Variants in ZNF800 observed in about 807,000 individuals in gnomAD.
ZNF800 encodes the protein zinc finger protein 800.
A neutral mutation model predicts 59.5 loss-of-function variants in ZNF800; 13 were observed. The ratio of observed to expected loss-of-function variants is 0.22; its 90% CI spans 0.14 to 0.35. The LOEUF is 0.35. ZNF800 is among the 10% of genes least tolerant of loss of function. The pLI is 1.00. For missense variants in ZNF800, 621 were observed against 783.7 expected (o/e 0.79, Z 2.48); for synonymous variants, 266 against 265.7 (o/e 1.00, Z -0.01).
downstream of ZNF800, among the ~76,000 whole-genome samples, chr7:127,369,212 G>C (rs530786286): frequency 6.6e-6 from 1 of 152,230 alleles, no homozygotes; most frequent in African/African-American, 2.4e-5. Context: ...GCATCTTTAG[G>C]AAGGAAGGTA....
chr7:127,346,045 C>A (rs1587416319), downstream of ZNF800, among the ~76,000 whole-genome samples: 2 of 152,186 alleles, frequency 1.3e-5, no homozygotes, highest in East Asian at 3.9e-4. Flanking sequence ...GGAAGAAGTC[C>A]TTGAAAAGGC....
At chr7:127,376,130 A>G (rs781061649) in intron 4 of ZNF800, among the ~76,000 whole-genome samples, 5 of 151,942 alleles carry the variant, frequency 3.3e-5, no homozygotes, top group Admixed American at 6.6e-5. Flanking sequence ...TCTCAATGAG[A>G]GAATAGTAAG....
intron 3 of ZNF800, among the ~76,000 whole-genome samples, chr7:127,378,167 T>C (rs994299094): frequency 3.3e-5 from 5 of 152,030 alleles, no homozygotes; most frequent in Non-Finnish European, 5.9e-5. Context: ...CTTACAATGC[T>C]CAAAAACAAT....
intron 3 of ZNF800, among the ~76,000 whole-genome samples, chr7:127,382,268 C>T (rs563455343): frequency 6.6e-6 from 1 of 152,162 alleles, no homozygotes; most frequent in Admixed American, 6.5e-5. Context: ...ACCATAGGGG[C>T]ATTCCATAGT....
chr7:127,370,509 A>G lies in ZNF800; in HGVS notation c.*1305T>C, dbSNP rs1459584927. 2.6e-5 allele frequency: 4 copies of G among 152,568 alleles called. No homozygotes were observed. Among genetic ancestry groups the G allele is most frequent in the Non-Finnish European group, 4.4e-5 (3 of 67,976 alleles). The allele number at this position is 152,568 out of a possible 1,614,324, so 9.5% of individuals were successfully genotyped here. A position where few individuals can be genotyped will look rare whatever the true frequency, so the allele number is the denominator to read the frequency against. On this transcript the variant is annotated 3_prime_UTR_variant, in exon 6 of 6. Coordinates refer to ENST00000265827, the MANE Select transcript of ZNF800 (RefSeq NM_176814.5). Reference sequence around the variant, plus strand: ...TTAGTGCAAAGCACTGGGAAGGTAAATGTTTTTCTAGCTATAGAATCATTT... The same window carrying G: ...TTAGTGCAAAGCACTGGGAAGGTAAGTGTTTTTCTAGCTATAGAATCATTT...
chr7:127,354,456 T>C (rs1800230035), intron 1 of ZNF800, among the ~76,000 whole-genome samples: 1 of 151,478 alleles, frequency 6.6e-6, no homozygotes, highest in Non-Finnish European at 1.5e-5. Context: ...TCCCGGGCTC[T>C]ACAATTTTCA....
chr7:127,347,782 C>G (rs1463226028), exon 2 of ZNF800: 3 of 152,050 alleles, frequency 2.0e-5, no homozygotes, highest in Admixed American at 2.0e-4. Context: ...CCCGTGGAGA[C>G]GGCCGCGGCG....
At chr7:127,358,791 T>C (rs1800332577) in intron 1 of ZNF800, among the ~76,000 whole-genome samples, 1 of 152,138 alleles carries the variant, frequency 6.6e-6, no homozygotes, top group Non-Finnish European at 1.5e-5. Flanking sequence ...GCATTGCTTG[T>C]CTCTGTACCT....
At chr7:127,345,172 A>G (rs779240775), downstream of ZNF800, among the ~76,000 whole-genome samples, 18 of 152,204 alleles carry the variant, frequency 1.2e-4, no homozygotes, top group Non-Finnish European at 1.3e-4. Flanking sequence ...CATTCCTTCA[A>G]CAGATATTTC....
chr7:127,366,012 T>C (rs1368365370), downstream of ZNF800, among the ~76,000 whole-genome samples: 1 of 152,124 alleles, frequency 6.6e-6, no homozygotes, highest in East Asian at 1.9e-4. Flanking sequence ...ATTCCCACAA[T>C]AAACCTACCT....
At chr7:127,359,646 C>G (rs930864512) in intron 1 of ZNF800, 2 of 152,070 alleles carry the variant, frequency 1.3e-5, no homozygotes, top group Non-Finnish European at 2.9e-5. Context: ...AGTCTCTGAA[C>G]AGATGACTTA....
At chr7:127,363,573 T>C (rs1242532388) in intron 1 of ZNF800, 1 of 151,534 alleles carries the variant, frequency 6.6e-6, no homozygotes, top group African/African-American at 2.4e-5. Flanking sequence ...AAATAGATTA[T>C]TTCCAGAGAG....
Position 127,392,219 on chromosome 7 carries a change from G to A in ZNF800, c.-218C>T, listed in dbSNP as rs1423896788. On this transcript the variant is annotated 5_prime_UTR_variant, in exon 1 of 6. Transcript: ENST00000265827. The stretch of plus-strand genomic sequence containing the variant: ...GACTCGGGCCCGACGCGCTCCCAAA[G>A]AGTCCCCGCCGGCGCTGACGCGGAA... 2.5e-6 allele frequency: 1 copy of A among 394,694 alleles called. No homozygotes were observed. Among genetic ancestry groups the A allele is most frequent in the Non-Finnish European group, 4.5e-6 (1 of 223,410 alleles). The allele number at this position is 394,694 out of a possible 1,614,324, so 24.4% of individuals were successfully genotyped here. A position where few individuals can be genotyped will look rare whatever the true frequency, so the allele number is the denominator to read the frequency against.
chr7:127,391,431 G>T, intron 2 of ZNF800, 66 bp downstream of exon 2: 1 of 1,516,368 alleles, frequency 6.6e-7, no homozygotes, highest in Non-Finnish European at 9.2e-7. Flanking sequence ...AAAAAAGCTA[G>T]AAAAAAAGAG....
downstream of ZNF800, among the ~76,000 whole-genome samples, chr7:127,367,943 C>G (rs1019426672): frequency 7.9e-5 from 12 of 151,976 alleles, no homozygotes; most frequent in African/African-American, 2.9e-4. Context: ...TATGCTAGGT[C>G]CCTTTTTGTT....
chr7:127,348,015 C>G (rs1375978170), exon 2 of ZNF800: 2 of 150,738 alleles, frequency 1.3e-5, no homozygotes, highest in Admixed American at 6.6e-5. Context: ...CGCAGGGCGG[C>G]GGCGCTGCGG....
chr7:127,391,499 G>A lies in ZNF800; in HGVS notation c.59C>T (p.Pro20Leu). 6.2e-7 allele frequency: 1 copy of A among 1,614,120 alleles called. No individual in the cohort carries two copies. Among genetic ancestry groups the A allele is most frequent in the Non-Finnish European group, 8.5e-7 (1 of 1,180,006 alleles). Residue 20 changes from proline (P) to leucine (L), a missense_variant and splice_region_variant, in exon 2 of 6, where the codon CCA becomes CTA. By Grantham distance (98) the Pro-to-Leu change is moderately conservative (BLOSUM62 -3). Around this residue, in one of 7 missense-constraint regions of ZNF800, gnomAD observed 57 missense variants for 77.1 expected, o/e 0.74. Coordinates refer to ENST00000265827, the MANE Select transcript of ZNF800 (RefSeq NM_176814.5). Reference sequence around the variant, plus strand: ...ACTGCGGACGAAGAGGGGTCTACCTGGTTCACAGCATCCGTGATGATGGTG... The same window carrying A: ...ACTGCGGACGAAGAGGGGTCTACCTAGTTCACAGCATCCGTGATGATGGTG... ...TDHHHHGCCE[P>L]VYILEPGDPP... is the part of the protein sequence containing the mutation.
At chr7:127,391,278 T>G (rs1044062440) in intron 2 of ZNF800, among the ~76,000 whole-genome samples, 2 of 152,102 alleles carry the variant, frequency 1.3e-5, no homozygotes, top group African/African-American at 4.8e-5. Flanking sequence ...CTTGTGGAAA[T>G]GATTTAAGGT....
chr7:127,358,614 G>C (rs573926822), intron 1 of ZNF800, among the ~76,000 whole-genome samples: 33 of 152,158 alleles, frequency 2.2e-4, no homozygotes, highest in African/African-American at 7.9e-4. Flanking sequence ...ATCTACATGT[G>C]ATTTCATGTC....
Sources: allele counts gnomAD v4.1 joint callset (sites outside exome capture counted in the v4.1 genomes callset), GRCh38; gene constraint gnomAD v4.1.1; regional missense constraint gnomAD v4.1.1; transcripts MANE v1.5; gene names NCBI Gene and HGNC (gene_info 2026-07-23, HGNC 2026-07-21).